Variants in CCNJL observed in about 807,000 individuals in gnomAD.
CCNJL encodes cyclin J like, also known as cyclin-J-like protein.
A neutral mutation model predicts 33.4 loss-of-function variants in CCNJL; 33 were observed. That is an observed-to-expected ratio of 0.99 (90% CI 0.75 to 1.32). CCNJL has a LOEUF of 1.32. Among genes scored for constraint, CCNJL ranks in the 40% most tolerant of loss-of-function variants. CCNJL has a pLI of 0.00. For missense variants in CCNJL, 512 were observed against 499.7 expected (o/e 1.02, Z -0.23); for synonymous variants, 227 against 220.9 (o/e 1.03, Z -0.24).
chr5:160,270,215 G>A (rs925959602), intron 3 of CCNJL, among the ~76,000 whole-genome samples: 2 of 152,180 alleles, frequency 1.3e-5, no homozygotes. Context: ...AGGCCGGGGC[G>A]GGCAGATCAC....
intron 1 of CCNJL, among the ~76,000 whole-genome samples, chr5:160,338,789 C>CTCT (rs10669636): frequency 0.57 from 85,962 of 151,004 alleles, 24,497 homozygotes; most frequent in Middle Eastern, 0.62. Context: ...ACTAAAACTA[C>CTCT]TCTTCTTCTT....
intron 1 of CCNJL, among the ~76,000 whole-genome samples, chr5:160,323,588 A>G (rs902049197): frequency 6.6e-6 from 1 of 152,210 alleles, no homozygotes; most frequent in African/African-American, 2.4e-5. Context: ...TGCTTCTCCA[A>G]TATCCTGAGG....
At chr5:160,263,943 C>CT (rs1156940851) in intron 3 of CCNJL, among the ~76,000 whole-genome samples, 6,349 of 136,592 alleles carry the variant, frequency 0.046, 225 homozygotes, top group South Asian at 0.18. Flanking sequence ...CTATCAACCT[C>CT]TTTTTTTTTT....
intron 3 of CCNJL, among the ~76,000 whole-genome samples, chr5:160,275,753 C>T (rs1266569217): frequency 6.6e-6 from 1 of 152,216 alleles, no homozygotes; most frequent in Non-Finnish European, 1.5e-5. Flanking sequence ...AAGGTCACCT[C>T]TTGCCCTCCT....
At position 160,259,647 on chromosome 5, in the gene CCNJL, C is replaced by G; in HGVS notation, c.405G>C (p.Leu135=). 1 of 1,614,168 alleles carries G rather than the reference C, an allele frequency of 6.2e-7. No homozygotes were observed. Among genetic ancestry groups the G allele is most frequent in the South Asian group, 1.1e-5 (1 of 91,074 alleles). Residue 135 remains leucine (L), a synonymous_variant, in exon 4 of 6, where the codon CTG becomes CTC. Coordinates refer to ENST00000257536, the MANE Select transcript of CCNJL (RefSeq NM_001308173.3). ...GGCAGAGGTTCCAGCTGAAGGCCTC[C>G]AGGAGCAGCAGCTCTGTGCTCAGCA... The part of the protein sequence containing the change: ...KELLSTELLL[L]EAFSWNLCLP...
chr5:160,338,167 C>A (rs75670971), intron 1 of CCNJL, among the ~76,000 whole-genome samples: 1 of 152,166 alleles, frequency 6.6e-6, no homozygotes, highest in Non-Finnish European at 1.5e-5. Flanking sequence ...GAGGCCAAGG[C>A]GGGTGGGTCA....
chr5:160,309,913 A>G (rs1763208812), intron 2 of CCNJL, among the ~76,000 whole-genome samples: 1 of 152,180 alleles, frequency 6.6e-6, no homozygotes, highest in Non-Finnish European at 1.5e-5. Flanking sequence ...GGGCAGCCCA[A>G]TAGTAAACTC....
At position 160,286,474 on chromosome 5, in the gene CCNJL, C is replaced by T. The variant is rs187890643; in HGVS notation, c.67-5736G>A. Among the ~76,000 whole-genome samples, 234 of 152,186 alleles carry T rather than the reference C, an allele frequency of 1.5e-3. 1 individual carries two copies. Among genetic ancestry groups the T allele is most frequent in the African/African-American group, 5.4e-3 (226 of 41,526 alleles). ...TCGTCATGGCAAAACCCCGTCTCTA[C>T]TAAAAATACAAAAATTAGCTAGGCA... On this transcript the variant is annotated intron_variant, in intron 2 of 5. Coordinates refer to ENST00000257536, the MANE Select transcript of CCNJL (RefSeq NM_001308173.3).
intron 1 of CCNJL, chr5:160,326,726 A>G (rs1382185321): frequency 2.0e-5 from 18 of 921,538 alleles, no homozygotes; most frequent in Admixed American, 7.0e-5. Flanking sequence ...GAAAGTGCAG[A>G]AGGTTATGGT....
At chr5:160,302,052 G>C (rs1409112863) in intron 2 of CCNJL, among the ~76,000 whole-genome samples, 1 of 152,048 alleles carries the variant, frequency 6.6e-6, no homozygotes, top group African/African-American at 2.4e-5. Context: ...TATGGTGGTG[G>C]TTACATGAGT....
intron 2 of CCNJL, among the ~76,000 whole-genome samples, chr5:160,294,141 C>A (rs1762675167): frequency 6.6e-6 from 1 of 152,200 alleles, no homozygotes; most frequent in South Asian, 2.1e-4. Flanking sequence ...GGGAGAAAGG[C>A]TGGCTCTTCA....
At chr5:160,277,117 A>T (rs1334245316) in intron 3 of CCNJL, among the ~76,000 whole-genome samples, 3 of 152,166 alleles carry the variant, frequency 2.0e-5, no homozygotes, top group African/African-American at 7.2e-5. Context: ...AAAAACAAAC[A>T]AACAAACAAC....
intron 5 of CCNJL, 88 bp from the exon 6 acceptor site, chr5:160,253,886 G>A: frequency 1.9e-6 from 2 of 1,033,306 alleles, no homozygotes; most frequent in Non-Finnish European, 2.8e-6. Context: ...AAGTGGGACT[G>A]GAAGAGATGC....
intron 2 of CCNJL, among the ~76,000 whole-genome samples, chr5:160,294,486 C>T (rs887598124): frequency 3.9e-5 from 6 of 152,182 alleles, no homozygotes; most frequent in Admixed American, 2.6e-4. Flanking sequence ...TCCTCATTCC[C>T]GGAAGCCAGA....
Position 160,282,966 on chromosome 5 carries a change from AATATATATATATATATATATATATATAT to A in CCNJL, c.67-2256_67-2229del, listed in dbSNP as rs70990720. ...GTGACCCAGCCATTCCAGTCCTTGG[AATATATATATATATATATATATATATAT>A]ATATATATATATATACATATATATA... On this transcript the variant is annotated intron_variant, in intron 2 of 5. Transcript: ENST00000257536. 2.5e-3 allele frequency among the ~76,000 whole-genome samples: 110 copies of A among 43,390 alleles called. 7 individuals carry two copies. Among genetic ancestry groups the A allele is most frequent in the Non-Finnish European group, 3.1e-3 (65 of 21,144 alleles). 28.5% of individuals were successfully genotyped at this position (43,390 alleles called of 152,430 possible). A position where few individuals can be genotyped will look rare whatever the true frequency, so the allele number is the denominator to read the frequency against.
In CCNJL at chr5:160,253,031, A is replaced by G; in HGVS notation, c.*347T>C. ...AATAGAAAAGTCTTTAATGCTAAAA[A>G]CTGGACATGCTTGAGATCAGTGGTC... On this transcript the variant is annotated 3_prime_UTR_variant, in exon 6 of 6. Transcript: ENST00000257536. 4.6e-6 allele frequency: 1 copy of G among 215,942 alleles called. No homozygotes were observed. Among genetic ancestry groups the G allele is most frequent in the Non-Finnish European group, 9.1e-6 (1 of 110,424 alleles). 13.4% of individuals were successfully genotyped at this position (215,942 alleles called of 1,614,324 possible). A position where few individuals can be genotyped will look rare whatever the true frequency, so the allele number is the denominator to read the frequency against.
Position 160,253,445 on chromosome 5 carries a change from G to C in CCNJL, c.1097C>G (p.Ala366Gly), listed in dbSNP as rs780126271. Residue 366 changes from alanine (A) to glycine (G), a missense_variant, in exon 6 of 6, where the codon GCC becomes GGC. By Grantham distance (60) the Ala-to-Gly change is moderately conservative (BLOSUM62 0). Coordinates refer to ENST00000257536, the MANE Select transcript of CCNJL (RefSeq NM_001308173.3). ...GAAGTAGCTGCTTCCATAGGTGGTG[G>C]CGAGGCAGTGCCTGGGCTCAGCTGC... The part of the protein sequence containing the change: ...AIAAEPRHCL[A>G]TTYGSSYFSG... 2 of 1,611,472 alleles carry C rather than the reference G, an allele frequency of 1.2e-6. No homozygotes were observed. Among genetic ancestry groups the C allele is most frequent in the Non-Finnish European group, 1.7e-6 (2 of 1,178,356 alleles).
chr5:160,297,654 C>CAAAAAAAAAAA (rs59634260), intron 2 of CCNJL, among the ~76,000 whole-genome samples: 1 of 107,620 alleles, frequency 9.3e-6, no homozygotes, highest in Non-Finnish European at 2.0e-5. Context: ...TCTCTATTTA[C>CAAAAAAAAAAA]AAAAAAAAAA....
chr5:160,314,159 AACTCCGTCT>A (rs1380150396), upstream of CCNJL, among the ~76,000 whole-genome samples: 4 of 152,210 alleles, frequency 2.6e-5, no homozygotes, highest in Non-Finnish European at 5.9e-5. Context: ...ACAAGAGTGA[AACTCCGTCT>A]CAACAAACAA....
Sources: gnomAD v4.1 joint callset for allele counts (sites outside exome capture counted in the v4.1 genomes callset) on GRCh38, gnomAD v4.1.1 for gene constraint, MANE v1.5 for transcripts, NCBI Gene and HGNC (gene_info 2026-07-23, HGNC 2026-07-21) for gene names.